MROH7: variants seen among roughly 807,000 people sequenced by gnomAD.
MROH7 encodes maestro heat like repeat family member 7.
MROH7 carries 113 observed loss-of-function variants against 129.2 expected under a neutral mutation model. That is an observed-to-expected ratio of 0.87 (90% CI 0.75 to 1.02). The LOEUF is 1.02. Among genes scored for constraint, MROH7 ranks in the 50% least tolerant of loss-of-function variants. MROH7 has a pLI of 0.00. For missense variants in MROH7, 1,601 were observed against 1,671.3 expected (o/e 0.96, Z 0.73); for synonymous variants, 655 against 667.9 (o/e 0.98, Z 0.30).
At chr1:54,685,835 C>T (rs113271992) in intron 14 of MROH7, among the ~76,000 whole-genome samples, 10 of 152,224 alleles carry the variant, frequency 6.6e-5, no homozygotes, top group Admixed American at 2.0e-4. Context: ...AGGCACAGCA[C>T]GCTATAGTTG....
rs141379168 is a variant in MROH7 at position 54,677,006 on chromosome 1, C to T, written c.1937-1736C>T. 5.7e-3 allele frequency among the ~76,000 whole-genome samples: 868 copies of T among 152,244 alleles called. 11 individuals carry two copies. Among genetic ancestry groups the T allele is most frequent in the African/African-American group, 0.019 (795 of 41,574 alleles). ...ACAGGCATGAGCCACTGTGCCCAGC[C>T]GCTAATTTATTTTTTGTACAGACAG... On this transcript the variant is annotated intron_variant, in intron 10 of 23. Transcript: ENST00000421030.
intron 3 of MROH7, chr1:54,664,142 A>G (rs565784730): frequency 6.1e-6 from 1 of 164,616 alleles, no homozygotes; most frequent in Admixed American, 5.9e-5. Context: ...GCCCACACCT[A>G]TCTGAAGAGT....
In MROH7 at chr1:54,658,713, C is replaced by A. The variant is rs138543866; in HGVS notation, c.1231+4556C>A. On this transcript the variant is annotated intron_variant, in intron 3 of 23. Transcript: ENST00000421030. ...TGTCCCTTTCCAATCAATAATCCTT[C>A]TCCTGGGGCTAGATTTCTCAACTTT... is the stretch of plus-strand genomic sequence containing the variant. Among the ~76,000 whole-genome samples, 705 of 152,220 alleles carry A rather than the reference C, an allele frequency of 4.6e-3. 5 individuals carry two copies. Among genetic ancestry groups the A allele is most frequent in the Middle Eastern group, 0.017 (5 of 294 alleles).
At chr1:54,658,241 T>G (rs942850295) in intron 3 of MROH7, among the ~76,000 whole-genome samples, 10 of 152,226 alleles carry the variant, frequency 6.6e-5, no homozygotes, top group Non-Finnish European at 1.5e-4. Context: ...AAAACTGTCC[T>G]TTCCCCAGTG....
chr1:54,651,278 A>C (rs1240563683), intron 1 of MROH7: 3 of 152,322 alleles, frequency 2.0e-5, no homozygotes, highest in African/African-American at 7.2e-5. Flanking sequence ...TTTCTGCATC[A>C]GTGGAGCTCA....
rs368406051 is a variant in MROH7 at position 54,658,956 on chromosome 1, A to G, written c.1231+4799A>G. On this transcript the variant is annotated intron_variant, in intron 3 of 23. Transcript: ENST00000421030. ...AATGTTCCATGGGGGTTGGGGGGAC[A>G]ACTGCTCTTGGTTGCTAATCACTGC... Among the ~76,000 whole-genome samples, 3 of 152,362 alleles carry G rather than the reference A, an allele frequency of 2.0e-5. 1 individual carries two copies. In the East Asian group the frequency reaches 5.8e-4, roughly 29 times the overall value.
At chr1:54,707,187 C>T (rs917866872) in intron 22 of MROH7, among the ~76,000 whole-genome samples, 2 of 152,152 alleles carry the variant, frequency 1.3e-5, no homozygotes, top group African/African-American at 4.8e-5. Flanking sequence ...TTGACCAGAG[C>T]CCCCGACAGG....
intron 4 of MROH7, among the ~76,000 whole-genome samples, chr1:54,668,305 C>T (rs972676578): frequency 6.6e-6 from 1 of 152,222 alleles, no homozygotes; most frequent in Non-Finnish European, 1.5e-5. Flanking sequence ...AAAGAACTTG[C>T]AGCCATTTTC....
At chr1:54,704,507 G>A (rs560467419) in intron 21 of MROH7, among the ~76,000 whole-genome samples, 7 of 145,524 alleles carry the variant, frequency 4.8e-5, no homozygotes, top group African/African-American at 7.7e-5. Flanking sequence ...GTGCGATCTC[G>A]GCTCACTGCA....
At chr1:54,681,546 G>T (rs959515236) in intron 13 of MROH7, among the ~76,000 whole-genome samples, 1 of 152,214 alleles carries the variant, frequency 6.6e-6, no homozygotes, top group Non-Finnish European at 1.5e-5. Context: ...TAGCAACATA[G>T]TTGACATACT....
At chr1:54,700,297 A>G (rs1312917046) in intron 17 of MROH7, 24 bp from the exon 18 acceptor site, 1 of 1,613,976 alleles carries the variant, frequency 6.2e-7, no homozygotes, top group Non-Finnish European at 8.5e-7. Flanking sequence ...CAGCCTGGGA[A>G]GTAATGACCC....
chr1:54,702,386 C>A, intron 20 of MROH7, 141 bp downstream of exon 20: 1 of 838,436 alleles, frequency 1.2e-6, no homozygotes, highest in Non-Finnish European at 1.7e-6. Flanking sequence ...TCTAAAGGTG[C>A]CCACATCAGG....
rs752973086 is a variant in MROH7, at chr1:54,703,958, T to G, written c.3564+1213T>G. Among the ~76,000 whole-genome samples the G allele has an allele frequency of 2.0e-5, 3 of 152,134 alleles. No homozygotes were observed. The highest frequency in any genetic ancestry group is 4.4e-5 in the Non-Finnish European group (3 of 68,036). On this transcript the variant is annotated intron_variant, in intron 21 of 23. Transcript: ENST00000421030. The surrounding 1 kb of genome is among the most constrained non-coding windows in gnomAD (Gnocchi z 4.4). ...ATCTGTCACTGGATGCCAGTCACCC[T>G]GGGAAGGGCTTGACCTTGGGCCAGG...
chr1:54,688,232 ATT>A (rs903515362), intron 15 of MROH7, among the ~76,000 whole-genome samples: 53 of 132,242 alleles, frequency 4.0e-4, no homozygotes, highest in African/African-American at 1.3e-3. Context: ...AAAAAAAAAA[ATT>A]TTTTTTTTTT....
chr1:54,679,531 C>A (rs897526352), intron 12 of MROH7, 92 bp downstream of exon 12: 3 of 1,399,148 alleles, frequency 2.1e-6, no homozygotes, highest in East Asian at 2.4e-5. Flanking sequence ...AGACAGTGGG[C>A]AGGGTGGGGT....
Position 54,701,402 on chromosome 1 carries a change from G to A in MROH7, c.3285+80G>A, listed in dbSNP as rs79641361. On this transcript the variant is annotated intron_variant, in intron 19 of 23. Transcript: ENST00000421030. ...TACCTTGGGGGCTGCATTTCCACCTGTGCCCCCATCAGGACCTGGGCAGTG... is the reference window on the plus strand; with the variant it reads ...TACCTTGGGGGCTGCATTTCCACCTATGCCCCCATCAGGACCTGGGCAGTG... The A allele has an allele frequency of 3.5e-3, 4,585 of 1,299,266 alleles. 98 individuals carry two copies. In the African/African-American group the frequency reaches 0.052, roughly 15 times the overall value. 80.5% of individuals were successfully genotyped at this position (1,299,266 alleles called of 1,614,324 possible). A position where few individuals can be genotyped will look rare whatever the true frequency, so the allele number is the denominator to read the frequency against.
chr1:54,647,331 T>C (rs1269172071), intron 1 of MROH7, among the ~76,000 whole-genome samples: 3 of 151,932 alleles, frequency 2.0e-5, no homozygotes, highest in Non-Finnish European at 4.4e-5. Context: ...GATAGGAGGC[T>C]GGGTGCAGTG....
At chr1:54,666,662 G>A (rs71637861) in intron 4 of MROH7, among the ~76,000 whole-genome samples, 4,865 of 151,384 alleles carry the variant, frequency 0.032, 126 homozygotes, top group South Asian at 0.099. Flanking sequence ...GCCCAGGCTG[G>A]TCTTGAACTC....
intron 17 of MROH7, chr1:54,699,165 T>TCTGTG (rs1645386018): frequency 3.2e-5 from 4 of 126,228 alleles, no homozygotes; most frequent in African/African-American, 1.2e-4. Context: ...TTTCTTTTCT[T>TCTGTG]TCTTTCTTTC....
Sources: allele counts gnomAD v4.1 joint callset (sites outside exome capture counted in the v4.1 genomes callset), GRCh38; gene constraint gnomAD v4.1.1; non-coding constraint Gnocchi (gnomAD v3.1); transcripts MANE v1.5; gene names NCBI Gene and HGNC (gene_info 2026-07-23, HGNC 2026-07-21).